The following FAM222A variants were observed in gnomAD, a reference collection of about 807,000 sequenced individuals.
FAM222A encodes the protein protein FAM222A.
In FAM222A, 7 loss-of-function variants were observed where a neutral mutation model predicts 25.8. That is an observed-to-expected ratio of 0.27 (90% CI 0.15 to 0.51). The LOEUF (loss-of-function observed/expected upper bound fraction) is 0.51. Among genes scored for constraint, FAM222A ranks in the 20% least tolerant of loss-of-function variants. The probability of loss-of-function intolerance (pLI) is 0.97; values close to 1 mark genes in which losing one functional copy is unlikely to be tolerated. For missense variants in FAM222A, 573 were observed against 640.5 expected (o/e 0.89, Z 1.14); for synonymous variants, 294 against 298.8 (o/e 0.98, Z 0.17).
chr12:109,763,397 A>G (rs551408246), intron 2 of FAM222A, among the ~76,000 whole-genome samples: 1 of 152,328 alleles, frequency 6.6e-6, no homozygotes, highest in African/African-American at 2.4e-5. Flanking sequence ...TGGCTTAGGA[A>G]GTTGGGAGCA....
At chr12:109,765,418 T>C (rs1889018252) in intron 2 of FAM222A, among the ~76,000 whole-genome samples, 1 of 152,226 alleles carries the variant, frequency 6.6e-6, no homozygotes, top group South Asian at 2.1e-4. Flanking sequence ...CCACCTCTCT[T>C]GGGCTTCTCT....
intron 1 of FAM222A, chr12:109,742,066 G>C (rs1241888714): frequency 6.6e-6 from 1 of 152,398 alleles, no homozygotes; most frequent in Non-Finnish European, 1.5e-5. Flanking sequence ...ACAGAAAGAG[G>C]CTGGGGCAGG....
rs201105798 is a variant in FAM222A at position 109,768,656 on chromosome 12, G to A, written c.727G>A (p.Ala243Thr). The A allele has an allele frequency of 5.6e-6, 9 of 1,598,834 alleles. No individual in the cohort carries two copies. Among genetic ancestry groups the A allele is most frequent in the Non-Finnish European group, 7.6e-6 (9 of 1,178,372 alleles). Residue 243 changes from alanine (A) to threonine (T), a missense_variant, in exon 3 of 3, where the codon GCC (alanine) becomes ACC (threonine). By Grantham distance (58) the Ala-to-Thr change is moderately conservative. This residue lies in a region of FAM222A where 412 missense variants were observed against 407.0 expected (regional missense o/e 1.01). Transcript: ENST00000538780. ...CCCAGTGCCCAGCTTCCCCAGCATG[G>A]CCTACTCGGCTGCAGCCGGTCTGCC... ...HGPVPSFPSMAYSAAAGLPDC... is the reference protein window; with the variant it reads ...HGPVPSFPSMTYSAAAGLPDC...
rs889171951 is a variant in FAM222A at position 109,740,885 on chromosome 12, G to T, written c.-46-3216G>T. ...TGGTGGATATCTAGAGGAAGGGAAG[G>T]GTGAGCCAGGGTCTGAAGACAGATC... On this transcript the variant is annotated intron_variant, in intron 1 of 2. Coordinates refer to ENST00000538780, the MANE Select transcript of FAM222A (RefSeq NM_032829.3). 7.9e-5 allele frequency among the ~76,000 whole-genome samples: 12 copies of T among 152,306 alleles called. 1 individual carries two copies. In the South Asian group the frequency reaches 1.0e-3, roughly 13 times the overall value.
intron 2 of FAM222A, among the ~76,000 whole-genome samples, chr12:109,745,246 A>G (rs753347244): frequency 1.3e-5 from 2 of 152,190 alleles, no homozygotes; most frequent in Non-Finnish European, 2.9e-5. Flanking sequence ...ACTATCCTGC[A>G]TCTCACTGTT....
chr12:109,723,220 C>A (rs1404347092), intron 1 of FAM222A, among the ~76,000 whole-genome samples: 1 of 152,140 alleles, frequency 6.6e-6, no homozygotes, highest in African/African-American at 2.4e-5. Flanking sequence ...GAAAAGGTTC[C>A]CAAATGTGGG....
At chr12:109,744,353 C>A in intron 2 of FAM222A, 125 bp downstream of exon 2, 1 of 1,433,676 alleles carries the variant, frequency 7.0e-7, no homozygotes, top group Non-Finnish European at 9.2e-7. Context: ...GGCCCCCAGG[C>A]CTTGGCCCCG....
intron 2 of FAM222A, among the ~76,000 whole-genome samples, chr12:109,747,912 A>G (rs376259432): frequency 6.6e-6 from 1 of 152,164 alleles, no homozygotes; most frequent in South Asian, 2.1e-4. Context: ...ATTTTATTTA[A>G]TAGTTGGCTA....
At chr12:109,767,063 T>C (rs1261753129) in intron 2 of FAM222A, among the ~76,000 whole-genome samples, 1 of 40,696 alleles carries the variant, frequency 2.5e-5, no homozygotes, top group East Asian at 3.5e-3. Flanking sequence ...GCTTGGCTTC[T>C]TTTTTTTTTT....
rs543123155 is a variant in FAM222A at position 109,713,864 on chromosome 12, C to G, written c.-1080C>G. ...GGAGCAGCGGGCAGGACTGCCTGGC[C>G]GGCTGCTCCGCGGAGAGGCTGCGCG... On this transcript the variant is annotated 5_prime_UTR_variant, in exon 1 of 3. Transcript: ENST00000538780. Among the ~76,000 whole-genome samples, 3 of 148,994 alleles carry G rather than the reference C, an allele frequency of 2.0e-5. No homozygotes were observed. The highest frequency in any genetic ancestry group is 6.7e-5 in the Admixed American group (1 of 15,012).
chr12:109,740,464 T>C (rs866004052), intron 1 of FAM222A, among the ~76,000 whole-genome samples: 10 of 152,134 alleles, frequency 6.6e-5, no homozygotes, highest in African/African-American at 2.4e-4. Context: ...CAGTGCTCCC[T>C]GGATGGTGCT....
chr12:109,714,206 C>G lies in FAM222A; in HGVS notation c.-738C>G. The G allele has an allele frequency of 4.9e-6, 1 of 206,030 alleles. No individual in the cohort carries two copies. Among genetic ancestry groups the G allele is most frequent in the South Asian group, 5.7e-5 (1 of 17,398 alleles). The allele number at this position is 206,030 out of a possible 1,614,324, so 12.8% of individuals were successfully genotyped here. On this transcript the variant is annotated 5_prime_UTR_variant, in exon 1 of 3. Transcript: ENST00000538780. The surrounding 1 kb of genome is among the most constrained non-coding windows in gnomAD (Gnocchi z 4.2). The stretch of plus-strand genomic sequence containing the variant: ...TCCGAGCTTGCGTCGCCCGCTGCCG[C>G]CGCCGCCGCCGCTGCCGCCGCCGCT...
rs1889175933 is a variant in FAM222A, at chr12:109,769,351, A to G, written c.*63A>G. The G allele has an allele frequency of 6.7e-7, 1 of 1,497,852 alleles. No homozygotes were observed. The highest frequency in any genetic ancestry group is 8.9e-7 in the Non-Finnish European group (1 of 1,117,914). 92.8% of individuals were successfully genotyped at this position (1,497,852 alleles called of 1,614,324 possible). A position where few individuals can be genotyped will look rare whatever the true frequency, so the allele number is the denominator to read the frequency against. ...GCAGAGCCGGGAGGCAGGCCGCAGA[A>G]CAGGGTGGGCGGCTCGCAGGGGCGC... On this transcript the variant is annotated 3_prime_UTR_variant, in exon 3 of 3. Transcript: ENST00000538780.
chr12:109,750,952 T>C (rs1888543750), intron 2 of FAM222A, among the ~76,000 whole-genome samples: 1 of 152,096 alleles, frequency 6.6e-6, no homozygotes, highest in Non-Finnish European at 1.5e-5. Context: ...GACAAGGATG[T>C]GTCTTGGAGT....
intron 1 of FAM222A, chr12:109,743,890 G>T (rs1194413450): frequency 1.0e-6 from 1 of 985,318 alleles, no homozygotes; most frequent in African/African-American, 1.7e-5. Flanking sequence ...CCACTCAAGA[G>T]CCCTGGATTC....
At chr12:109,755,287 C>CTTTTTTTT (rs540689300) in intron 2 of FAM222A, among the ~76,000 whole-genome samples, 8 of 49,426 alleles carry the variant, frequency 1.6e-4, no homozygotes, top group Admixed American at 6.0e-4. Context: ...TGTAATTCTT[C>CTTTTTTTT]TTTTTTTTTT....
chr12:109,769,106 A>G lies in FAM222A; in HGVS notation c.1177A>G (p.Ser393Gly). The part of the protein sequence containing the change: ...PPADALSGLP[S>G]KSVCNTSVLS... ...TGCAGATGCCCTCTCGGGCCTGCCC[A>G]GCAAGAGTGTGTGCAACACATCGGT... Residue 393 changes from serine to glycine, a missense_variant, in exon 3 of 3, where the codon AGC becomes GGC. Around this residue, in one of 3 missense-constraint regions of FAM222A, gnomAD observed 412 missense variants for 407.0 expected, o/e 1.01. Transcript: ENST00000538780. The G allele has an allele frequency of 6.2e-7, 1 of 1,610,626 alleles. No homozygotes were observed. The highest frequency in any genetic ancestry group is 1.3e-5 in the African/African-American group (1 of 75,000).
At chr12:109,746,515 C>G (rs759199325) in intron 2 of FAM222A, among the ~76,000 whole-genome samples, 5 of 151,962 alleles carry the variant, frequency 3.3e-5, no homozygotes, top group Non-Finnish European at 5.9e-5. Flanking sequence ...AAAGTATGCT[C>G]TCTATATGAC....
chr12:109,733,765 C>T (rs1207565912), intron 1 of FAM222A, among the ~76,000 whole-genome samples: 1 of 152,096 alleles, frequency 6.6e-6, no homozygotes, highest in Admixed American at 6.6e-5. Context: ...GAGGCAAAAC[C>T]ATAAGTGCAA....
Sources: allele counts gnomAD v4.1 joint callset (sites outside exome capture counted in the v4.1 genomes callset), GRCh38; gene constraint gnomAD v4.1.1; regional missense constraint gnomAD v4.1.1; non-coding constraint Gnocchi (gnomAD v3.1); transcripts MANE v1.5; gene names NCBI Gene and HGNC (gene_info 2026-07-23, HGNC 2026-07-21).